The following TMEM65 variants were observed in gnomAD, a reference collection of about 807,000 sequenced individuals.
The protein encoded by TMEM65 is transmembrane protein 65.
In TMEM65, 22 loss-of-function variants were observed where a neutral mutation model predicts 25.4. The ratio of observed to expected loss-of-function variants is 0.86; its 90% CI spans 0.62 to 1.23. TMEM65 has a LOEUF of 1.23. Among genes scored for constraint, TMEM65 ranks in the 50% most tolerant of loss-of-function variants. The probability of loss-of-function intolerance (pLI) is 0.00; values close to 1 mark genes in which losing one functional copy is unlikely to be tolerated. For synonymous variants in TMEM65, 132 were observed against 126.2 expected (o/e 1.05, Z -0.31); for missense variants, 262 against 308.2 (o/e 0.85, Z 1.12).
chr8:124,371,406 TC>T (rs1313207398), intron 1 of TMEM65, among the ~76,000 whole-genome samples: 6 of 152,212 alleles, frequency 3.9e-5, no homozygotes, highest in Non-Finnish European at 8.8e-5. Flanking sequence ...TCAAAAAGTT[TC>T]TTCCTGCCAG....
At chr8:124,358,291 A>C (rs896219700) in intron 1 of TMEM65, among the ~76,000 whole-genome samples, 8 of 152,242 alleles carry the variant, frequency 5.3e-5, no homozygotes, top group African/African-American at 1.9e-4. Flanking sequence ...TGTCTGGCAC[A>C]CAACAAGTAT....
chr8:124,362,276 G>A (rs1814877224), intron 1 of TMEM65, among the ~76,000 whole-genome samples: 1 of 152,082 alleles, frequency 6.6e-6, no homozygotes, highest in Admixed American at 6.5e-5. Context: ...ATCTAGTTTA[G>A]AAGATATTTG....
intron 1 of TMEM65, among the ~76,000 whole-genome samples, chr8:124,349,366 A>G (rs1353317511): frequency 6.6e-6 from 1 of 152,100 alleles, no homozygotes; most frequent in Non-Finnish European, 1.5e-5. Flanking sequence ...AAGTTAAAAT[A>G]AAGAGGAGAA....
At chr8:124,321,872 C>A (rs1814307429) in intron 5 of TMEM65, among the ~76,000 whole-genome samples, 2 of 152,122 alleles carry the variant, frequency 1.3e-5, no homozygotes, top group African/African-American at 4.8e-5. Context: ...ACTGCCAGGG[C>A]TCCCTCTCCA....
chr8:124,335,364 T>A (rs1336512251), intron 1 of TMEM65, among the ~76,000 whole-genome samples: 1 of 152,174 alleles, frequency 6.6e-6, no homozygotes, highest in East Asian at 1.9e-4. Context: ...AGAAATTCTT[T>A]AGTCTGAAGG....
chr8:124,341,583 T>C (rs931084070), intron 1 of TMEM65, among the ~76,000 whole-genome samples: 3 of 152,064 alleles, frequency 2.0e-5, no homozygotes, highest in African/African-American at 4.8e-5. Context: ...TTGTGGTCCA[T>C]GTTGCTTTTA....
At chr8:124,345,444 T>C (rs1325200737) in intron 1 of TMEM65, among the ~76,000 whole-genome samples, 1 of 152,202 alleles carries the variant, frequency 6.6e-6, no homozygotes, top group Admixed American at 6.5e-5. Context: ...AAGAGATACA[T>C]CCTAAATTGA....
At chr8:124,363,962 G>A (rs1038648798) in intron 1 of TMEM65, among the ~76,000 whole-genome samples, 5 of 149,524 alleles carry the variant, frequency 3.3e-5, no homozygotes, top group Non-Finnish European at 7.4e-5. Context: ...GTAAGAGAAT[G>A]TAAAGGATTT....
intron 1 of TMEM65, among the ~76,000 whole-genome samples, chr8:124,339,182 ACT>A (rs1398685047): frequency 1.8e-5 from 2 of 112,528 alleles, no homozygotes; most frequent in African/African-American, 7.2e-5. Flanking sequence ...ACAGAGCAAG[ACT>A]CTGTCTCAAA....
chr8:124,318,125 G>A (rs1814259511), intron 6 of TMEM65, among the ~76,000 whole-genome samples: 2 of 152,118 alleles, frequency 1.3e-5, no homozygotes, highest in Admixed American at 6.6e-5. Flanking sequence ...TCCAGGACAT[G>A]AGAGTGCAAC....
chr8:124,327,869 T>C (rs985421086), intron 2 of TMEM65, among the ~76,000 whole-genome samples: 1 of 152,166 alleles, frequency 6.6e-6, no homozygotes, highest in Non-Finnish European at 1.5e-5. Context: ...AAATCAAATG[T>C]CAGAAAAGTT....
intron 6 of TMEM65, among the ~76,000 whole-genome samples, chr8:124,317,415 A>G (rs1390810092): frequency 6.6e-6 from 1 of 152,208 alleles, no homozygotes; most frequent in Non-Finnish European, 1.5e-5. Flanking sequence ...GGAATTGGTT[A>G]TCATTCATTA....
At chr8:124,353,165 G>A (rs984904559) in intron 1 of TMEM65, among the ~76,000 whole-genome samples, 2 of 152,008 alleles carry the variant, frequency 1.3e-5, no homozygotes, top group African/African-American at 4.8e-5. Flanking sequence ...GTTGAGACAG[G>A]CTTCCACACA....
chr8:124,356,931 C>T (rs1470751232), intron 1 of TMEM65, among the ~76,000 whole-genome samples: 1 of 152,080 alleles, frequency 6.6e-6, no homozygotes, highest in Non-Finnish European at 1.5e-5. Context: ...TGGTCTCAAA[C>T]TCCTGAACTC....
intron 1 of TMEM65, among the ~76,000 whole-genome samples, chr8:124,356,113 G>A (rs1042870342): frequency 3.9e-5 from 6 of 152,160 alleles, no homozygotes; most frequent in Non-Finnish European, 8.8e-5. Flanking sequence ...TCCTTAATCT[G>A]AGCGGTGAAC....
intron 1 of TMEM65, among the ~76,000 whole-genome samples, chr8:124,336,934 GAA>G (rs1195488235): frequency 6.6e-6 from 1 of 151,788 alleles, no homozygotes; most frequent in African/African-American, 2.4e-5. Context: ...AGGAATGAAA[GAA>G]GGGGCATCAT....
chr8:124,350,643 T>C (rs1814696299), intron 1 of TMEM65, among the ~76,000 whole-genome samples: 1 of 152,074 alleles, frequency 6.6e-6, no homozygotes, highest in Admixed American at 6.6e-5. Context: ...TTTAAAATAC[T>C]GAACATTTCC....
At chr8:124,345,906 G>T (rs954589217) in intron 1 of TMEM65, among the ~76,000 whole-genome samples, 3 of 152,130 alleles carry the variant, frequency 2.0e-5, no homozygotes. Context: ...ACCATGCCTA[G>T]CTAATTTTTG....
In TMEM65 at chr8:124,323,088, G is replaced by A. The variant is rs567239278; in HGVS notation, c.472+233C>T. On this transcript the variant is annotated intron_variant, in intron 4 of 6. Coordinates refer to ENST00000297632, the MANE Select transcript of TMEM65 (RefSeq NM_194291.3). ...AATTGCCAGAAAATCTTGTCTTAAC[G>A]AAATCAATATAGCAGAGTATTGTTA... is the stretch of plus-strand genomic sequence containing the variant. 9.7e-4 allele frequency among the ~76,000 whole-genome samples: 147 copies of A among 152,154 alleles called. 2 individuals carry two copies. The highest frequency in any genetic ancestry group is 2.9e-3 in the South Asian group (14 of 4,824).
Sources: allele counts gnomAD v4.1 joint callset (sites outside exome capture counted in the v4.1 genomes callset), GRCh38; gene constraint gnomAD v4.1.1; transcripts MANE v1.5; gene names NCBI Gene and HGNC (gene_info 2026-07-23, HGNC 2026-07-21).